The following MEGF11 variants were observed in gnomAD, a reference collection of about 807,000 sequenced individuals.
MEGF11 encodes the protein multiple epidermal growth factor-like domains protein 11.
A neutral mutation model predicts 146.6 loss-of-function variants in MEGF11; 126 were observed. The ratio of observed to expected loss-of-function variants is 0.86; its 90% CI spans 0.74 to 1.00. MEGF11 has a LOEUF of 1.00. MEGF11 is among the 50% of genes least tolerant of loss of function. The pLI is 0.00. For synonymous variants in MEGF11, 532 were observed against 583.4 expected, an observed-to-expected ratio of 0.91 and a Z score of 1.27; for missense variants, 1,509 against 1,521.2, an observed-to-expected ratio of 0.99 and a Z score of 0.13.
At chr15:65,912,250 TG>T in intron 20 of MEGF11, 50 bp from the exon 21 acceptor site, 1 of 1,103,322 alleles carries the variant, frequency 9.1e-7, no homozygotes, top group South Asian at 4.7e-5. Context: ...GCCCCTGGCA[TG>T]AGATACCCCC....
chr15:66,155,836 C>T (rs919809209), intron 1 of MEGF11, among the ~76,000 whole-genome samples: 1 of 152,216 alleles, frequency 6.6e-6, no homozygotes, highest in South Asian at 2.1e-4. Flanking sequence ...CTGCAGCCCG[C>T]TCCTGGCCAC....
intron 1 of MEGF11, among the ~76,000 whole-genome samples, chr15:66,188,137 C>T (rs969069727): frequency 1.3e-5 from 2 of 152,014 alleles, no homozygotes; most frequent in South Asian, 4.2e-4. Context: ...CATGCCCCAT[C>T]CTTACCCCAG....
At chr15:66,008,017 C>T (rs2082572227) in intron 5 of MEGF11, among the ~76,000 whole-genome samples, 1 of 152,126 alleles carries the variant, frequency 6.6e-6, no homozygotes, top group Non-Finnish European at 1.5e-5. Flanking sequence ...CCTGCCTCTT[C>T]CAAGGAGGAT....
intron 24 of MEGF11, among the ~76,000 whole-genome samples, chr15:65,899,455 G>A (rs1447510952): frequency 6.6e-6 from 1 of 152,146 alleles, no homozygotes; most frequent in Non-Finnish European, 1.5e-5. Context: ...TGATTCTCCC[G>A]CCTCAGCCTC....
intron 1 of MEGF11, among the ~76,000 whole-genome samples, chr15:66,180,331 C>T (rs1201345177): frequency 6.6e-6 from 1 of 152,158 alleles, no homozygotes; most frequent in East Asian, 1.9e-4. Flanking sequence ...TTCCTGGGTG[C>T]CTTTCTTGAG....
intron 5 of MEGF11, among the ~76,000 whole-genome samples, chr15:66,003,594 A>G (rs1291440573): frequency 6.6e-6 from 1 of 152,060 alleles, no homozygotes; most frequent in African/African-American, 2.4e-5. Flanking sequence ...CTCCCAAACC[A>G]GCACCCCACT....
chr15:65,907,340 G>GC (rs1214130201), intron 23 of MEGF11, among the ~76,000 whole-genome samples: 1 of 151,878 alleles, frequency 6.6e-6, no homozygotes, highest in Non-Finnish European at 1.5e-5. Flanking sequence ...TGTCACCCAG[G>GC]CTGGAGTGCA....
At chr15:66,177,430 C>T (rs1259572947) in intron 1 of MEGF11, among the ~76,000 whole-genome samples, 1 of 152,146 alleles carries the variant, frequency 6.6e-6, no homozygotes, top group Non-Finnish European at 1.5e-5. Context: ...ATCATGTATT[C>T]AGCAATCACT....
chr15:65,978,102 C>T (rs1469151628), intron 7 of MEGF11, among the ~76,000 whole-genome samples: 3 of 152,248 alleles, frequency 2.0e-5, no homozygotes, highest in Non-Finnish European at 4.4e-5. Context: ...CAGCTCCTCT[C>T]TCCAGTTCCA....
chr15:66,089,040 C>G (rs1439859654), intron 5 of MEGF11, among the ~76,000 whole-genome samples: 2 of 152,270 alleles, frequency 1.3e-5, no homozygotes, highest in Non-Finnish European at 2.9e-5. Flanking sequence ...AATTTGTAGC[C>G]AACACTTAGT....
intron 5 of MEGF11, among the ~76,000 whole-genome samples, chr15:65,991,609 T>A (rs1241278124): frequency 6.6e-6 from 1 of 152,190 alleles, no homozygotes; most frequent in Non-Finnish European, 1.5e-5. Flanking sequence ...TGCCTCCAGA[T>A]ATTGACAAAC....
chr15:66,055,096 C>G (rs1221639485), intron 5 of MEGF11, among the ~76,000 whole-genome samples: 1 of 152,156 alleles, frequency 6.6e-6, no homozygotes, highest in Non-Finnish European at 1.5e-5. Context: ...AAAGACTAAC[C>G]AAGTTAGCTC....
chr15:65,919,207 A>G (rs1567156845), intron 15 of MEGF11, among the ~76,000 whole-genome samples: 1 of 152,238 alleles, frequency 6.6e-6, no homozygotes, highest in Non-Finnish European at 1.5e-5. Flanking sequence ...TAGTTGAGAC[A>G]AATAATACAG....
At chr15:65,940,999 C>T (rs180995323) in intron 10 of MEGF11, among the ~76,000 whole-genome samples, 183 of 152,326 alleles carry the variant, frequency 1.2e-3, no homozygotes, top group Middle Eastern at 6.8e-3. Flanking sequence ...AGTAGAATGT[C>T]TTGAGAAAGG....
intron 1 of MEGF11, among the ~76,000 whole-genome samples, chr15:66,134,183 G>C (rs184851095): frequency 2.0e-5 from 3 of 152,218 alleles, no homozygotes; most frequent in Admixed American, 6.5e-5. Context: ...CCCTGGAGCA[G>C]AGCAGTAGAA....
rs1426397021 is a variant in MEGF11 at position 65,895,988 on chromosome 15, T to C, written c.*1946A>G. On this transcript the variant is annotated 3_prime_UTR_variant, in exon 26 of 26. Coordinates refer to ENST00000395614, the MANE Select transcript of MEGF11 (RefSeq NM_001385028.1). ...TTTGCAGTTTGCCAGGCAGCAGTTATTGTACATGCAGGATAAGGGAAGAAG... is the reference window on the plus strand; with the variant it reads ...TTTGCAGTTTGCCAGGCAGCAGTTACTGTACATGCAGGATAAGGGAAGAAG... 2 of 152,236 alleles carry C rather than the reference T, an allele frequency of 1.3e-5. No individual in the cohort carries two copies. Among genetic ancestry groups the C allele is most frequent in the African/African-American group, 2.4e-5 (1 of 41,468 alleles). 9.4% of individuals were successfully genotyped at this position (152,236 alleles called of 1,614,324 possible). A position where few individuals can be genotyped will look rare whatever the true frequency, so the allele number is the denominator to read the frequency against.
intron 5 of MEGF11, among the ~76,000 whole-genome samples, chr15:66,060,477 C>T (rs1268837625): frequency 2.0e-5 from 3 of 152,240 alleles, no homozygotes; most frequent in Admixed American, 6.5e-5. Flanking sequence ...CCAGCCTCCA[C>T]GCCTTTGCGC....
intron 1 of MEGF11, among the ~76,000 whole-genome samples, chr15:66,224,365 G>A (rs1431754796): frequency 1.3e-5 from 2 of 151,910 alleles, no homozygotes; most frequent in East Asian, 1.9e-4. Flanking sequence ...ACTTGAGGCC[G>A]GGAGTTCGAG....
chr15:66,098,811 C>T (rs151085926), intron 4 of MEGF11, among the ~76,000 whole-genome samples: 1 of 152,192 alleles, frequency 6.6e-6, no homozygotes, highest in Non-Finnish European at 1.5e-5. Flanking sequence ...CAAGGTCACA[C>T]GGCATGTGTG....
Sources: allele counts gnomAD v4.1 joint callset (sites outside exome capture counted in the v4.1 genomes callset), GRCh38; gene constraint gnomAD v4.1.1; transcripts MANE v1.5; gene names NCBI Gene and HGNC (gene_info 2026-07-23, HGNC 2026-07-21).